The following CYP11B2 variants were observed in gnomAD, a reference collection of about 807,000 sequenced individuals.
CYP11B2 encodes the protein cytochrome P450 family 11 subfamily B member 2.
A neutral mutation model predicts 49.3 loss-of-function variants in CYP11B2; 38 were observed. The ratio of observed to expected loss-of-function variants is 0.77; its 90% CI spans 0.59 to 1.01. The LOEUF (loss-of-function observed/expected upper bound fraction) is 1.01, where lower values mean the gene tolerates loss of function less well. CYP11B2 is among the 50% of genes least tolerant of loss of function. The pLI, the probability that CYP11B2 is intolerant of heterozygous loss-of-function variation, is 0.00. For missense variants in CYP11B2, 669 were observed against 655.5 expected, an observed-to-expected ratio of 1.02 and a Z score of -0.23; for synonymous variants, 290 against 269.3, an observed-to-expected ratio of 1.08 and a Z score of -0.75.
rs942616469 is a variant in CYP11B2 at position 142,912,634 on chromosome 8, T to A, written c.1294A>T (p.Arg432Trp). The A allele has an allele frequency of 7.4e-6, 12 of 1,613,986 alleles. No individual in the cohort carries two copies. Among genetic ancestry groups the A allele is most frequent in the Non-Finnish European group, 8.5e-6 (10 of 1,180,010 alleles). Residue 432 changes from arginine (R) to tryptophan (W), a missense_variant, in exon 8 of 9, where the codon AGG becomes TGG. By Grantham distance (101) the Arg-to-Trp change is moderately radical (BLOSUM62 -3). Coordinates refer to ENST00000323110, the MANE Select transcript of CYP11B2 (RefSeq NM_000498.3). The part of the protein sequence containing the change: ...RYNPQRWLDI[R>W]GSGRNFHHVP... The stretch of plus-strand genomic sequence containing the variant: ...TGGTGGAAGTTCCTGCCGGAGCCCC[T>A]GATGTCTAGCCAGCGCTGGGGATTA...
At position 142,917,213 on chromosome 8, in the gene CYP11B2, AC is replaced by A. The variant is rs1284319162; in HGVS notation, c.240del (p.Arg80SerfsTer12). 6.2e-7 allele frequency: 1 copy of A among 1,613,782 alleles called. No homozygotes were observed. On this transcript the variant is annotated frameshift_variant and splice_region_variant, in exon 2 of 9. Transcript: ENST00000323110. LOFTEE classifies it high-confidence loss of function. ...ACCATGCGTGGTCCTCCCAAGTTGTACCTGTGGGGCCAAGCAGGAGGCCCTG... is the reference window on the plus strand; with the variant it reads ...ACCATGCGTGGTCCTCCCAAGTTGTACTGTGGGGCCAAGCAGGAGGCCCTG... ...QTFQELGPIF[R>X]YNLGGPRMVC...
intron 4 of CYP11B2, 21 bp from the exon 5 acceptor site, chr8:142,914,439 A>G: frequency 6.2e-7 from 1 of 1,604,428 alleles, no homozygotes; most frequent in Admixed American, 1.7e-5. Flanking sequence ...AGCAGGGGAC[A>G]GCCCTCAGAT....
chr8:142,916,923 G>C, intron 2 of CYP11B2, 136 bp downstream of exon 2: 1 of 1,380,380 alleles, frequency 7.2e-7, no homozygotes, highest in Non-Finnish European at 1.0e-6. Context: ...CCGTCCTCTG[G>C]GCCGGGTGCT....
Position 142,914,253 on chromosome 8 carries a change from G to C in CYP11B2, c.954+11C>G. 6.2e-7 allele frequency: 1 copy of C among 1,614,050 alleles called. No homozygotes were observed. The highest frequency in any genetic ancestry group is 8.5e-7 in the Non-Finnish European group (1 of 1,180,004). ...TCACCCTCTCTGGGTGGGGCTGGTTGCTGGCCTGACCGTGTCCACGCTCCC... is the reference window on the plus strand; with the variant it reads ...TCACCCTCTCTGGGTGGGGCTGGTTCCTGGCCTGACCGTGTCCACGCTCCC... On this transcript the variant is annotated intron_variant, in intron 5 of 8. Coordinates refer to ENST00000323110, the MANE Select transcript of CYP11B2 (RefSeq NM_000498.3).
At chr8:142,916,419 A>G (rs186623438) in intron 2 of CYP11B2, 18 of 456,616 alleles carry the variant, frequency 3.9e-5, no homozygotes, top group Non-Finnish European at 6.2e-5. Flanking sequence ...CCTGCAGGTG[A>G]CCGACTCCAA....
At chr8:142,914,134 G>A (rs748582669) in intron 5 of CYP11B2, 130 bp downstream of exon 5, 94 of 1,052,458 alleles carry the variant, frequency 8.9e-5, no homozygotes, top group Non-Finnish European at 1.4e-4. Context: ...GGGGAAGGCT[G>A]AGGGCAACAG....
chr8:142,917,158 T>C lies in CYP11B2; in HGVS notation c.296A>G (p.Lys99Arg). 6.2e-7 allele frequency: 1 copy of C among 1,614,162 alleles called. No individual in the cohort carries two copies. Among genetic ancestry groups the C allele is most frequent in the Non-Finnish European group, 8.5e-7 (1 of 1,180,016 alleles). The change falls in exon 2 of 9, where the codon AAG becomes AGG. Residue 99 changes from lysine to arginine, a missense_variant. Physicochemically the swap from Lys to Arg is conservative, Grantham distance 26. Transcript: ENST00000323110. Reference protein sequence around the residue: ...VCVMLPEDVEKLQQVDSLHPC... With the variant: ...VCVMLPEDVERLQQVDSLHPC... ...ATGCAGGCTGTCCACCTGTTGCAGC[T>C]TCTCCACATCCTCCGGCAGCATCAC...
chr8:142,912,433 G>A, intron 8 of CYP11B2, 97 bp downstream of exon 8: 1 of 1,345,168 alleles, frequency 7.4e-7, no homozygotes, highest in Admixed American at 1.9e-5. Context: ...CCCATCCACT[G>A]TTCCCAGGTG....
Position 142,913,384 on chromosome 8 carries a change from C to A in CYP11B2, c.1022G>T (p.Arg341Leu). 1.2e-6 allele frequency: 2 copies of A among 1,613,928 alleles called. No individual in the cohort carries two copies. Among genetic ancestry groups the A allele is most frequent in the African/African-American group, 1.3e-5 (1 of 75,044 alleles). Residue 341 changes from arginine (R) to leucine (L), a missense_variant, in exon 6 of 9, where the codon CGC becomes CTC. Transcript: ENST00000323110. The stretch of plus-strand genomic sequence containing the variant: ...GGCTGCGGCGGCCAGGCTCTCCTGG[C>A]GCAGGATCTGCTGCACGTCGGGGTT... Reference protein sequence around the residue: ...ARNPDVQQILRQESLAAAASI... With the variant: ...ARNPDVQQILLQESLAAAASI...
At chr8:142,912,291 A>C (rs61757285) in intron 8 of CYP11B2, among the ~76,000 whole-genome samples, 198 bp from the exon 9 acceptor site, 4 of 151,042 alleles carry the variant, frequency 2.6e-5, no homozygotes, top group Admixed American at 6.6e-5. Context: ...CCCAAGCCCC[A>C]TTATTCTGTA....
At chr8:142,916,610 A>G (rs1488168865) in intron 2 of CYP11B2, 6 of 396,038 alleles carry the variant, frequency 1.5e-5, no homozygotes, top group Middle Eastern at 6.9e-4. Flanking sequence ...AAGGTTTGCC[A>G]GGACTGCAGG....
In CYP11B2 at chr8:142,915,664, C is replaced by T. The variant is rs1368425867; in HGVS notation, c.396-419G>A. Among the ~76,000 whole-genome samples the T allele has an allele frequency of 3.6e-4, 47 of 130,806 alleles. 5 individuals carry two copies. The highest frequency in any genetic ancestry group is 9.2e-4 in the African/African-American group (37 of 40,280). The allele number at this position is 130,806 out of a possible 152,430, so 85.8% of individuals were successfully genotyped here. A position where few individuals can be genotyped will look rare whatever the true frequency, so the allele number is the denominator to read the frequency against. The stretch of plus-strand genomic sequence containing the variant: ...CCTGAGGGGAGAGCCCCTGGCTGCC[C>T]TCTCCTCCCCACCCTTCCCCGCCCT... On this transcript the variant is annotated intron_variant, in intron 2 of 8. Transcript: ENST00000323110.
rs1386472103 is a variant in CYP11B2 at position 142,911,973 on chromosome 8, T to C, written c.*7A>G. On this transcript the variant is annotated 3_prime_UTR_variant, in exon 9 of 9. Coordinates refer to ENST00000323110, the MANE Select transcript of CYP11B2 (RefSeq NM_000498.3). ...GCCAGGCTGGGACCCTGGGTGCAGA[T>C]GCAAGACTAGTTAATCGCTCTGAAA... The C allele has an allele frequency of 6.2e-7, 1 of 1,613,818 alleles. No homozygotes were observed. The highest frequency in any genetic ancestry group is 2.2e-5 in the East Asian group (1 of 44,868).
Position 142,917,737 on chromosome 8 carries a change from A to G in CYP11B2, c.104T>C (p.Val35Ala). 6.2e-7 allele frequency: 1 copy of G among 1,614,146 alleles called. No homozygotes were observed. ...GTRAARAPRT[V>A]LPFEAMPQHP... ...CTGGGGCATGGCTTCAAACGGCAGC[A>G]CCGTCCTAGGGGCCCGAGCGGCTCT... The change falls in exon 1 of 9, where the codon GTG (valine) becomes GCG (alanine). Residue 35 changes from valine (V) to alanine (A), a missense_variant. Transcript: ENST00000323110.
chr8:142,917,730 C>G lies in CYP11B2; in HGVS notation c.111G>C (p.Pro37=). Residue 37 remains proline (P), a synonymous_variant, in exon 1 of 9, where the codon CCG becomes CCC. Transcript: ENST00000323110. ...CTGGATGCTGGGGCATGGCTTCAAA[C>G]GGCAGCACCGTCCTAGGGGCCCGAG... ...RAARAPRTVL[P]FEAMPQHPGN... 2 of 1,614,234 alleles carry G rather than the reference C, an allele frequency of 1.2e-6. No homozygotes were observed. The highest frequency in any genetic ancestry group is 1.7e-6 in the Non-Finnish European group (2 of 1,180,052).
chr8:142,911,961 C>G lies in CYP11B2; in HGVS notation c.*19G>C. 1 of 1,613,858 alleles carries G rather than the reference C, an allele frequency of 6.2e-7. No homozygotes were observed. The highest frequency in any genetic ancestry group is 8.5e-7 in the Non-Finnish European group (1 of 1,179,882). On this transcript the variant is annotated 3_prime_UTR_variant, in exon 9 of 9. Transcript: ENST00000323110. ...GGGAAGCTGGTGGCCAGGCTGGGAC[C>G]CTGGGTGCAGATGCAAGACTAGTTA...
rs189028695 is a variant in CYP11B2, at chr8:142,915,410, C to T, written c.396-165G>A. On this transcript the variant is annotated intron_variant, in intron 2 of 8. Coordinates refer to ENST00000323110, the MANE Select transcript of CYP11B2 (RefSeq NM_000498.3). ...TTCGAGCTGCAGCCTTTTCTCAGAG[C>T]GGCCTCCAGGTGCTGGGCAAAGGCC... Among the ~76,000 whole-genome samples the T allele has an allele frequency of 4.4e-4, 67 of 151,644 alleles. 1 individual carries two copies. Among genetic ancestry groups the T allele is most frequent in the African/African-American group, 1.6e-3 (65 of 41,466 alleles).
Position 142,914,356 on chromosome 8 carries a change from C to G in CYP11B2, c.862G>C (p.Gly288Arg), listed in dbSNP as rs1173078545. The G allele has an allele frequency of 3.7e-6, 6 of 1,613,572 alleles. No homozygotes were observed. The highest frequency in any genetic ancestry group is 5.1e-6 in the Non-Finnish European group (6 of 1,179,508). The change falls in exon 5 of 9, where the codon GGC becomes CGC. Residue 288 changes from glycine to arginine, a missense_variant. Coordinates refer to ENST00000323110, the MANE Select transcript of CYP11B2 (RefSeq NM_000498.3). Reference sequence around the variant, plus strand: ...TTCAACAGGAGCTCCGCCACGATGCCTGTGTAGTGTTGAGGGCGGTTGAAG... The same window carrying G: ...TTCAACAGGAGCTCCGCCACGATGCGTGTGTAGTGTTGAGGGCGGTTGAAG... ...LAFNRPQHYT[G>R]IVAELLLKAE... is the part of the protein sequence containing the mutation.
Position 142,914,908 on chromosome 8 carries a change from G to A in CYP11B2, c.596C>T (p.Ala199Val). 2 of 1,613,716 alleles carry A rather than the reference G, an allele frequency of 1.2e-6. No individual in the cohort carries two copies. Among genetic ancestry groups the A allele is most frequent in the East Asian group, 4.5e-5 (2 of 44,858 alleles). Reference protein sequence around the residue: ...QPSIFHYTIEASNLALFGERL... With the variant: ...QPSIFHYTIEVSNLALFGERL... The stretch of plus-strand genomic sequence containing the variant: ...CTCTCCAAAAAGAGCTAAGTTGCTG[G>A]CTGCGGGGAGGATGCACTGCTGAGC... Residue 199 changes from alanine (A) to valine (V), a missense_variant and splice_region_variant, in exon 4 of 9, where the codon GCC becomes GTC. Physicochemically the swap from Ala to Val is moderately conservative, Grantham distance 64. Coordinates refer to ENST00000323110, the MANE Select transcript of CYP11B2 (RefSeq NM_000498.3).
Sources: gnomAD v4.1 joint callset for allele counts (sites outside exome capture counted in the v4.1 genomes callset) on GRCh38, gnomAD v4.1.1 for gene constraint, MANE v1.5 for transcripts, NCBI Gene and HGNC (gene_info 2026-07-23, HGNC 2026-07-21) for gene names.